Variants in SENP5 observed in about 807,000 individuals in gnomAD.
The protein encoded by SENP5 is sentrin-specific protease 5.
A neutral mutation model predicts 74.2 loss-of-function variants in SENP5; 21 were observed. The observed-to-expected ratio is 0.28, with a 90% CI of 0.20 to 0.41. SENP5 has a LOEUF of 0.41. SENP5 is among the 10% of genes least tolerant of loss of function. The probability of loss-of-function intolerance (pLI) is 1.00; values close to 1 mark genes in which losing one functional copy is unlikely to be tolerated. For missense variants in SENP5, 717 were observed against 889.1 expected (o/e 0.81, Z 2.46); for synonymous variants, 311 against 312.7 (o/e 0.99, Z 0.06).
At chr3:196,928,767 G>A (rs998765943) in intron 8 of SENP5, among the ~76,000 whole-genome samples, 4 of 152,154 alleles carry the variant, frequency 2.6e-5, no homozygotes, top group African/African-American at 9.7e-5. Context: ...GAATAACCTA[G>A]TATACCAGTT....
rs369629047 is a variant in SENP5 at position 196,929,699 on chromosome 3, C to A, written c.2157+16C>A. 3 of 1,578,344 alleles carry A rather than the reference C, an allele frequency of 1.9e-6. No homozygotes were observed. Among genetic ancestry groups the A allele is most frequent in the African/African-American group, 1.4e-5 (1 of 74,008 alleles). ...TGTGCTCCAGGTAAAGAAACACTTG[C>A]TTTTCGGAACTTACAATGTGTGAAT... On this transcript the variant is annotated intron_variant, in intron 9 of 9. Coordinates refer to ENST00000323460, the MANE Select transcript of SENP5 (RefSeq NM_152699.5).
At chr3:196,903,248 TC>T (rs1714772270) in intron 5 of SENP5, among the ~76,000 whole-genome samples, 1 of 152,134 alleles carries the variant, frequency 6.6e-6, no homozygotes. Flanking sequence ...CAAGAGATTC[TC>T]CTACCTCAGC....
chr3:196,909,550 A>G (rs540199242), intron 6 of SENP5, among the ~76,000 whole-genome samples: 1 of 152,272 alleles, frequency 6.6e-6, no homozygotes, highest in African/African-American at 2.4e-5. Flanking sequence ...GCACATCAAA[A>G]AGCTTATCCA....
intron 6 of SENP5, chr3:196,913,209 G>A (rs1430653582): frequency 6.6e-6 from 1 of 152,126 alleles, no homozygotes; most frequent in Admixed American, 6.5e-5. Flanking sequence ...TTTAATAGAT[G>A]TTTATGCTCC....
Position 196,874,089 on chromosome 3 carries a change from G to C in SENP5, c.-32+6016G>C, listed in dbSNP as rs1030733820. Among the ~76,000 whole-genome samples, 9 of 149,440 alleles carry C rather than the reference G, an allele frequency of 6.0e-5. No homozygotes were observed. The South Asian group carries it at 1.3e-3, about 21-fold the overall frequency. On this transcript the variant is annotated intron_variant, in intron 1 of 9. Coordinates refer to ENST00000323460, the MANE Select transcript of SENP5 (RefSeq NM_152699.5). ...GCTAAGTCAGGAGGATTACTTGATT[G>C]AGCCTGGGAGTTTGGGGCTTCAGTG...
chr3:196,900,259 T>C, intron 4 of SENP5, 106 bp from the exon 5 acceptor site: 2 of 1,165,852 alleles, frequency 1.7e-6, no homozygotes, highest in Non-Finnish European at 2.4e-6. Flanking sequence ...TGGGATGTAC[T>C]GAATTGTATA....
chr3:196,932,953 C>CT lies in SENP5; in HGVS notation c.*2032dup, dbSNP rs1403109621. On this transcript the variant is annotated 3_prime_UTR_variant, in exon 10 of 10. Coordinates refer to ENST00000323460, the MANE Select transcript of SENP5 (RefSeq NM_152699.5). ...TGACTCTTCCACTTCCAGTCTCATG[C>CT]TTCATAGGGCACCTTGAGGTGTGCT... is the stretch of plus-strand genomic sequence containing the variant. The CT allele has an allele frequency of 6.7e-6, 1 of 149,464 alleles. No homozygotes were observed. The highest frequency in any genetic ancestry group is 6.7e-5 in the Admixed American group (1 of 14,888). The allele number at this position is 149,464 out of a possible 1,614,324, so 9.3% of individuals were successfully genotyped here. A position where few individuals can be genotyped will look rare whatever the true frequency, so the allele number is the denominator to read the frequency against.
chr3:196,922,618 TTTTA>T (rs556002177), intron 6 of SENP5, among the ~76,000 whole-genome samples: 13 of 152,060 alleles, frequency 8.5e-5, no homozygotes, highest in Admixed American at 2.0e-4. Context: ...CTGGCTGATT[TTTTA>T]TTTATTTATT....
chr3:196,892,235 C>A (rs1170733761), intron 2 of SENP5, among the ~76,000 whole-genome samples: 3 of 152,154 alleles, frequency 2.0e-5, no homozygotes, highest in Admixed American at 2.0e-4. Flanking sequence ...ACTCCGCCTC[C>A]CGGGTTCAAG....
chr3:196,872,962 A>G, intron 1 of SENP5, among the ~76,000 whole-genome samples: 1 of 151,128 alleles, frequency 6.6e-6, no homozygotes, highest in East Asian at 1.9e-4. Flanking sequence ...CAATCCTTTT[A>G]TTTTTAGCGT....
chr3:196,916,673 A>G (rs1057449233), intron 6 of SENP5, among the ~76,000 whole-genome samples: 1 of 151,856 alleles, frequency 6.6e-6, no homozygotes, highest in Non-Finnish European at 1.5e-5. Context: ...GATTACAGGC[A>G]TGTGCCACTA....
rs1713008702 is a variant in SENP5, at chr3:196,868,091, C to G, written c.-32+18C>G. 6.6e-6 allele frequency: 1 copy of G among 152,314 alleles called. No individual in the cohort carries two copies. Among genetic ancestry groups the G allele is most frequent in the Admixed American group, 6.5e-5 (1 of 15,284 alleles). 9.4% of individuals were successfully genotyped at this position (152,314 alleles called of 1,614,324 possible). ...GGTAGCAGGTAAGCGGGGACGCGGGCAGACGAGTGACGGACTCAGCGATCG... is the reference window on the plus strand; with the variant it reads ...GGTAGCAGGTAAGCGGGGACGCGGGGAGACGAGTGACGGACTCAGCGATCG... On this transcript the variant is annotated intron_variant, in intron 1 of 9. Transcript: ENST00000323460.
chr3:196,889,039 G>C (rs917737046), intron 2 of SENP5, among the ~76,000 whole-genome samples: 1 of 151,714 alleles, frequency 6.6e-6, no homozygotes, highest in Admixed American at 6.6e-5. Flanking sequence ...TGGTGTGAAC[G>C]GGGGAGGCGG....
At chr3:196,903,946 G>T (rs1036705007) in intron 6 of SENP5, among the ~76,000 whole-genome samples, 5 of 152,244 alleles carry the variant, frequency 3.3e-5, no homozygotes, top group African/African-American at 1.2e-4. Context: ...AGCTACTTGG[G>T]ATGCTGAGAC....
Position 196,867,937 on chromosome 3 carries a change from T to G in SENP5, c.-168T>G, listed in dbSNP as rs1488870570. 6.6e-6 allele frequency: 1 copy of G among 152,128 alleles called. No individual in the cohort carries two copies. Among genetic ancestry groups the G allele is most frequent in the Non-Finnish European group, 1.5e-5 (1 of 68,024 alleles). 9.4% of individuals were successfully genotyped at this position (152,128 alleles called of 1,614,324 possible). A position where few individuals can be genotyped will look rare whatever the true frequency, so the allele number is the denominator to read the frequency against. ...GCCGCTTCAGAGGAAGCTCGGCGGC[T>G]GTGGCCGCGGCGAACAGGCCGGACG... On this transcript the variant is annotated 5_prime_UTR_variant, in exon 1 of 10. Coordinates refer to ENST00000323460, the MANE Select transcript of SENP5 (RefSeq NM_152699.5).
chr3:196,877,955 A>G (rs978324635), intron 1 of SENP5, among the ~76,000 whole-genome samples: 3 of 152,234 alleles, frequency 2.0e-5, no homozygotes, highest in African/African-American at 7.2e-5. Flanking sequence ...GCAGTGTATC[A>G]TGGTAAAGGT....
chr3:196,895,075 G>A (rs146534949), intron 2 of SENP5, among the ~76,000 whole-genome samples: 1,666 of 152,238 alleles, frequency 0.011, 21 homozygotes, highest in African/African-American at 0.032. Context: ...CATTTCTTAC[G>A]TGCACAGCAC....
At chr3:196,898,861 C>A (rs1363258661) in intron 2 of SENP5, among the ~76,000 whole-genome samples, 2 of 152,166 alleles carry the variant, frequency 1.3e-5, no homozygotes, top group Non-Finnish European at 2.9e-5. Context: ...CCATTCAATT[C>A]CGTTCAATGA....
chr3:196,913,706 G>C (rs1473550612), intron 6 of SENP5, among the ~76,000 whole-genome samples: 1 of 135,022 alleles, frequency 7.4e-6, no homozygotes, highest in East Asian at 2.2e-4. Context: ...CTGGAGTGCA[G>C]TGGCACAATC....
Sources: allele counts gnomAD v4.1 joint callset (sites outside exome capture counted in the v4.1 genomes callset), GRCh38; gene constraint gnomAD v4.1.1; transcripts MANE v1.5; gene names NCBI Gene and HGNC (gene_info 2026-07-23, HGNC 2026-07-21).